The following FHIT variants were observed in gnomAD, a reference collection of about 807,000 sequenced individuals.
FHIT encodes the protein fragile histidine triad diadenosine triphosphatase.
In FHIT, 19 loss-of-function variants were observed where a neutral mutation model predicts 17.9. That is an observed-to-expected ratio of 1.06 (90% CI 0.74 to 1.56). The LOEUF is 1.56. Ranked by LOEUF, FHIT falls within the 40% of genes most tolerant of loss-of-function variation. The probability of loss-of-function intolerance (pLI) is 0.00; values close to 1 mark genes in which losing one functional copy is unlikely to be tolerated. For missense variants in FHIT, 248 were observed against 189.2 expected (o/e 1.31, Z -1.82); for synonymous variants, 81 against 69.7 (o/e 1.16, Z -0.81).
intron 2 of FHIT, among the ~76,000 whole-genome samples, chr3:61,076,857 C>A (rs2034988132): frequency 6.6e-6 from 1 of 152,200 alleles, no homozygotes. Flanking sequence ...CCAAATCTCT[C>A]TGCAAATATT....
At chr3:59,981,506 T>A (rs1309620056) in intron 7 of FHIT, among the ~76,000 whole-genome samples, 1 of 152,086 alleles carries the variant, frequency 6.6e-6, no homozygotes, top group Admixed American at 6.6e-5. Context: ...AGTGGGGACG[T>A]GAAAAATTTG....
chr3:60,114,067 ATAT>A (rs1704831216), intron 5 of FHIT, among the ~76,000 whole-genome samples: 1 of 107,550 alleles, frequency 9.3e-6, no homozygotes, highest in African/African-American at 3.5e-5. Context: ...ATATATATAT[ATAT>A]ATAATGTTAT....
chr3:59,877,103 A>C (rs1018351191), intron 8 of FHIT, among the ~76,000 whole-genome samples: 3 of 152,214 alleles, frequency 2.0e-5, no homozygotes, highest in African/African-American at 7.2e-5. Context: ...AATGCAGGGA[A>C]ATTGAAGAGT....
chr3:60,551,709 G>A (rs987650660), intron 4 of FHIT, among the ~76,000 whole-genome samples: 1 of 148,674 alleles, frequency 6.7e-6, no homozygotes, highest in Non-Finnish European at 1.5e-5. Flanking sequence ...AGTGAGCTGT[G>A]ATCATGCCCC....
chr3:60,465,901 A>G (rs889405897), intron 5 of FHIT, among the ~76,000 whole-genome samples: 4 of 151,858 alleles, frequency 2.6e-5, no homozygotes, highest in Admixed American at 1.3e-4. Flanking sequence ...TGCTAAGATT[A>G]TTTTTTTCTA....
intron 4 of FHIT, among the ~76,000 whole-genome samples, chr3:60,557,388 A>G (rs1477527890): frequency 6.6e-6 from 1 of 151,948 alleles, no homozygotes; most frequent in Non-Finnish European, 1.5e-5. Context: ...TGAGCGGAGG[A>G]GGTGACAGGA....
intron 4 of FHIT, among the ~76,000 whole-genome samples, chr3:60,568,461 G>A (rs936814530): frequency 6.6e-6 from 1 of 151,644 alleles, no homozygotes; most frequent in African/African-American, 2.4e-5. Context: ...CTGTTGTGGG[G>A]TGGAGGGAGG....
At chr3:60,488,992 G>C (rs2033955334) in intron 5 of FHIT, among the ~76,000 whole-genome samples, 1 of 152,156 alleles carries the variant, frequency 6.6e-6, no homozygotes, top group South Asian at 2.1e-4. Context: ...CTGCTACAGA[G>C]ATTTCCATCA....
intron 5 of FHIT, among the ~76,000 whole-genome samples, chr3:60,088,295 G>T (rs772998211): frequency 6.6e-6 from 1 of 152,134 alleles, no homozygotes; most frequent in African/African-American, 2.4e-5. Context: ...TTCAACATGT[G>T]CCTTGACAGG....
At chr3:60,580,422 T>C (rs2037714157) in intron 4 of FHIT, among the ~76,000 whole-genome samples, 1 of 152,154 alleles carries the variant, frequency 6.6e-6, no homozygotes, top group South Asian at 2.1e-4. Context: ...ACCTAAATTA[T>C]GATGATAGGA....
At chr3:60,443,610 C>G (rs927878153) in intron 5 of FHIT, among the ~76,000 whole-genome samples, 13 of 152,034 alleles carry the variant, frequency 8.6e-5, no homozygotes, top group African/African-American at 3.1e-4. Context: ...GCCTTGCATC[C>G]CAGGGATGAA....
At chr3:60,653,667 TA>T (rs34095991) in intron 4 of FHIT, among the ~76,000 whole-genome samples, 118,063 of 149,940 alleles carry the variant, frequency 0.79, 46,414 homozygotes, top group East Asian at 0.88. Context: ...TCCTGAAAAG[TA>T]AAAAAAAAAA....
intron 5 of FHIT, among the ~76,000 whole-genome samples, chr3:60,065,890 C>T (rs1249371878): frequency 6.6e-6 from 1 of 152,200 alleles, no homozygotes; most frequent in Non-Finnish European, 1.5e-5. Flanking sequence ...CACCTCTCTC[C>T]CTTTCTTCCT....
chr3:60,752,417 C>G (rs982414238), intron 4 of FHIT, among the ~76,000 whole-genome samples: 2 of 152,184 alleles, frequency 1.3e-5, no homozygotes, highest in Non-Finnish European at 2.9e-5. Context: ...GAAACTAAGG[C>G]TTCTGTGCAG....
intron 3 of FHIT, among the ~76,000 whole-genome samples, chr3:60,955,862 C>T (rs1709129523): frequency 1.3e-5 from 2 of 151,774 alleles, no homozygotes; most frequent in African/African-American, 4.8e-5. Flanking sequence ...TATTATACTC[C>T]AAGCATATTA....
At chr3:60,090,494 T>C (rs907066350) in intron 5 of FHIT, among the ~76,000 whole-genome samples, 7 of 152,176 alleles carry the variant, frequency 4.6e-5, no homozygotes, top group African/African-American at 9.7e-5. Context: ...CTTTACGTGA[T>C]TGATGGGTAG....
chr3:60,539,495 T>C (rs1401162912), intron 4 of FHIT, among the ~76,000 whole-genome samples: 1 of 152,146 alleles, frequency 6.6e-6, no homozygotes, highest in Non-Finnish European at 1.5e-5. Flanking sequence ...CATGCACACA[T>C]ATGTTTATTG....
intron 5 of FHIT, among the ~76,000 whole-genome samples, chr3:60,286,418 A>C (rs1178386969): frequency 6.6e-6 from 1 of 152,154 alleles, no homozygotes; most frequent in Non-Finnish European, 1.5e-5. Flanking sequence ...TCAGAATTCT[A>C]AGTCCCTTGG....
intron 5 of FHIT, among the ~76,000 whole-genome samples, chr3:60,429,916 C>T (rs1466403231): frequency 6.6e-6 from 1 of 151,984 alleles, no homozygotes; most frequent in African/African-American, 2.4e-5. Flanking sequence ...AAGAAGCATA[C>T]CTCCCTGCCT....
Sources: allele counts gnomAD v4.1 joint callset (sites outside exome capture counted in the v4.1 genomes callset), GRCh38; gene constraint gnomAD v4.1.1; transcripts MANE v1.5; gene names NCBI Gene and HGNC (gene_info 2026-07-23, HGNC 2026-07-21).